Variants in FRMD4B observed in about 807,000 individuals in gnomAD.
FRMD4B encodes FERM domain-containing protein 4B.
A neutral mutation model predicts 141.5 loss-of-function variants in FRMD4B; 74 were observed. That is an observed-to-expected ratio of 0.52 (90% CI 0.43 to 0.63). The LOEUF (loss-of-function observed/expected upper bound fraction) is 0.63. Ranked by LOEUF, FRMD4B falls within the 30% of genes least tolerant of loss-of-function variation. The pLI is 0.00. For missense variants in FRMD4B, 1,366 were observed against 1,253.4 expected (o/e 1.09, Z -1.36); for synonymous variants, 506 against 467.9 (o/e 1.08, Z -1.05).
At chr3:69,538,267 C>T (rs1019906236) in intron 1 of FRMD4B, among the ~76,000 whole-genome samples, 2 of 152,020 alleles carry the variant, frequency 1.3e-5, no homozygotes, top group East Asian at 3.9e-4. Context: ...TCAGTCCTAC[C>T]GAAGTACCTT....
intron 17 of FRMD4B, among the ~76,000 whole-genome samples, chr3:69,190,885 G>A (rs908620130): frequency 6.6e-6 from 1 of 152,130 alleles, no homozygotes; most frequent in Non-Finnish European, 1.5e-5. Flanking sequence ...GAGACCTTGG[G>A]CAAATTACTT....
chr3:69,176,098 G>T (rs1318035232), intron 22 of FRMD4B, among the ~76,000 whole-genome samples: 1 of 152,016 alleles, frequency 6.6e-6, no homozygotes, highest in Admixed American at 6.6e-5. Context: ...TTTCTTAAAG[G>T]CCAGATATTT....
chr3:69,436,734 T>C (rs1458200436), intron 1 of FRMD4B, among the ~76,000 whole-genome samples: 2 of 152,190 alleles, frequency 1.3e-5, no homozygotes, highest in African/African-American at 2.4e-5. Flanking sequence ...ATATGGCATA[T>C]ACATAACATG....
chr3:69,245,889 G>A (rs1201544726), intron 7 of FRMD4B, among the ~76,000 whole-genome samples: 1 of 140,646 alleles, frequency 7.1e-6, no homozygotes, highest in Non-Finnish European at 1.5e-5. Context: ...CCAGGCTGGA[G>A]TGCAATGGTG....
chr3:69,397,547 A>G (rs1170983791), intron 2 of FRMD4B, among the ~76,000 whole-genome samples: 1 of 152,216 alleles, frequency 6.6e-6, no homozygotes, highest in East Asian at 1.9e-4. Context: ...TTAAAAAAAG[A>G]AATGAAATCT....
chr3:69,212,359 C>CAAAAAAAAAAAAAAAAAAAAAAAAAAAA (rs869309749), intron 11 of FRMD4B, among the ~76,000 whole-genome samples: 8 of 25,362 alleles, frequency 3.2e-4, no homozygotes, highest in Non-Finnish European at 3.9e-4. Context: ...AACCCCGTCT[C>CAAAAAAAAAAAAAAAAAAAAAAAAAAAA]AAAAAAAAAA....
At chr3:69,528,329 C>G (rs1700961581) in intron 1 of FRMD4B, among the ~76,000 whole-genome samples, 1 of 149,210 alleles carries the variant, frequency 6.7e-6, no homozygotes, top group Non-Finnish European at 1.5e-5. Flanking sequence ...TTCTTTCTCG[C>G]TCTCTCTCTT....
intron 1 of FRMD4B, among the ~76,000 whole-genome samples, chr3:69,457,123 A>C (rs1705631652): frequency 6.6e-6 from 1 of 152,238 alleles, no homozygotes; most frequent in Admixed American, 6.5e-5. Flanking sequence ...TTGCAAAAGA[A>C]AGACATGAAT....
At chr3:69,276,426 T>C (rs2093618221) in intron 5 of FRMD4B, among the ~76,000 whole-genome samples, 1 of 152,004 alleles carries the variant, frequency 6.6e-6, no homozygotes, top group South Asian at 2.1e-4. Flanking sequence ...GCGTGCACCA[T>C]CATGCCTGGC....
chr3:69,542,251 CT>C (rs1197304148), exon 1 of FRMD4B: 14 of 152,318 alleles, frequency 9.2e-5, no homozygotes, highest in African/African-American at 2.9e-4. Flanking sequence ...CTGTAGACGG[CT>C]ACTTTATTGT....
intron 1 of FRMD4B, among the ~76,000 whole-genome samples, chr3:69,341,823 A>G (rs35298402): frequency 0.16 from 23,745 of 152,250 alleles, 1,922 homozygotes; most frequent in South Asian, 0.18. Flanking sequence ...GGATATAGCA[A>G]GATGGCCCTT....
At chr3:69,353,152 T>C (rs2107441506) in intron 1 of FRMD4B, among the ~76,000 whole-genome samples, 1 of 151,310 alleles carries the variant, frequency 6.6e-6, no homozygotes, top group Non-Finnish European at 1.5e-5. Context: ...GGTGATGAAG[T>C]GGAATTACAT....
intron 20 of FRMD4B, 88 bp downstream of exon 20, chr3:69,182,510 T>C: frequency 7.7e-7 from 1 of 1,291,852 alleles, no homozygotes; most frequent in Non-Finnish European, 1.1e-6. Flanking sequence ...GAAAGTCACT[T>C]GAAATGATTA....
chr3:69,179,611 A>T (rs529815452), intron 21 of FRMD4B, among the ~76,000 whole-genome samples: 1 of 152,320 alleles, frequency 6.6e-6, no homozygotes, highest in East Asian at 1.9e-4. Context: ...ATCAACAAGT[A>T]CATGAAACTT....
At chr3:69,229,911 G>A (rs2093289827) in intron 7 of FRMD4B, among the ~76,000 whole-genome samples, 1 of 151,844 alleles carries the variant, frequency 6.6e-6, no homozygotes. Context: ...TCACCATGTT[G>A]GCCAGGAAGG....
intron 5 of FRMD4B, among the ~76,000 whole-genome samples, chr3:69,259,589 C>A (rs2093513300): frequency 6.6e-6 from 1 of 152,176 alleles, no homozygotes. Context: ...TGCTCTGGGT[C>A]ACTGTTCAAG....
In FRMD4B at chr3:69,377,240, G is replaced by C. The variant is rs900876708; in HGVS notation, c.162+8588C>G. 13 of 152,214 alleles carry C rather than the reference G, an allele frequency of 8.5e-5. No homozygotes were observed. In the South Asian group the frequency reaches 1.0e-3, roughly 12 times the overall value. 9.4% of individuals were successfully genotyped at this position (152,214 alleles called of 1,614,324 possible). On this transcript the variant is annotated intron_variant, in intron 1 of 22. Coordinates refer to ENST00000398540, the MANE Select transcript of FRMD4B (RefSeq NM_015123.3). ...AGATTAATTTTCTCAGTGATAAATG[G>C]ACTCATTTCATTTATCACCCAAATT...
chr3:69,267,636 T>TAG (rs55659743), intron 5 of FRMD4B, among the ~76,000 whole-genome samples: 3 of 33,012 alleles, frequency 9.1e-5, no homozygotes, highest in African/African-American at 3.8e-4. Flanking sequence ...TATATATATA[T>TAG]AGAGAGAGAG....
intron 1 of FRMD4B, among the ~76,000 whole-genome samples, chr3:69,474,979 A>ATGTGTT (rs1705959845): frequency 6.6e-6 from 1 of 152,146 alleles, no homozygotes; most frequent in African/African-American, 2.4e-5. Flanking sequence ...GACCAAAAGA[A>ATGTGTT]TGTGTTTGAG....
Sources: allele counts gnomAD v4.1 joint callset (sites outside exome capture counted in the v4.1 genomes callset), GRCh38; gene constraint gnomAD v4.1.1; transcripts MANE v1.5; gene names NCBI Gene and HGNC (gene_info 2026-07-23, HGNC 2026-07-21).